CACNA1B: variants seen among roughly 807,000 people sequenced by gnomAD.
The protein encoded by CACNA1B is calcium voltage-gated channel subunit alpha1 B.
Under a neutral mutation model 247.2 loss-of-function variants are expected in CACNA1B, and 70 were observed. The observed-to-expected ratio is 0.28, with a 90% CI of 0.23 to 0.35. The LOEUF is 0.35. Among genes scored for constraint, CACNA1B ranks in the 10% least tolerant of loss-of-function variants. The pLI is 1.00. For synonymous variants in CACNA1B, 1,231 were observed against 1,294.4 expected, an observed-to-expected ratio of 0.95 and a Z score of 1.05; for missense variants, 2,367 against 3,197.4, an observed-to-expected ratio of 0.74 and a Z score of 6.26.
In CACNA1B at chr9:138,054,102, G is replaced by C; in HGVS notation, c.3968+96G>C. The C allele has an allele frequency of 8.4e-7, 1 of 1,183,996 alleles. No homozygotes were observed. The allele number at this position is 1,183,996 out of a possible 1,614,324, so 73.3% of individuals were successfully genotyped here. ...GACCAGGTGGAGCTGGTCACACGGC[G>C]TGGGAGACTCCACTGCAGAGCATCA... On this transcript the variant is annotated intron_variant, in intron 26 of 46. Coordinates refer to ENST00000371372, the MANE Select transcript of CACNA1B (RefSeq NM_000718.4). This position sits in a 1 kb window ranked among gnomAD's most constrained non-coding sequence, Gnocchi z 4.6.
In CACNA1B at chr9:138,112,391, G is replaced by A; in HGVS notation, c.5429-7G>A. The A allele has an allele frequency of 1.9e-6, 3 of 1,606,824 alleles. No individual in the cohort carries two copies. Among genetic ancestry groups the A allele is most frequent in the Non-Finnish European group, 2.6e-6 (3 of 1,173,352 alleles). ...TTTTCCCCTTCCCCACCATCATCCT[G>A]GTGCAGCTGGGACAAAGCAGCATCA... On this transcript the variant is annotated splice_polypyrimidine_tract_variant and splice_region_variant and intron_variant, in intron 39 of 46. Coordinates refer to ENST00000371372, the MANE Select transcript of CACNA1B (RefSeq NM_000718.4).
intron 3 of CACNA1B, among the ~76,000 whole-genome samples, chr9:137,895,372 C>T (rs1957161167): frequency 6.6e-6 from 1 of 152,010 alleles, no homozygotes; most frequent in African/African-American, 2.4e-5. Flanking sequence ...TCAATATATA[C>T]AAAAAATCTT....
At position 138,023,222 on chromosome 9, in the gene CACNA1B, C is replaced by T. The variant is rs1564243127; in HGVS notation, c.2479C>T (p.Arg827Trp). 1 of 1,510,590 alleles carries T rather than the reference C, an allele frequency of 6.6e-7. No individual in the cohort carries two copies. The highest frequency in any genetic ancestry group is 8.8e-7 in the Non-Finnish European group (1 of 1,138,016). 93.6% of individuals were successfully genotyped at this position (1,510,590 alleles called of 1,614,324 possible). ...GGTGGAGCTGGGCCGCGACGGCGCG[C>T]GGGGGCCCGTGGGAGGCAAAGCCCG... ...LVVELGRDGA[R>W]GPVGGKARPE... The change falls in exon 19 of 47, where the codon CGG (arginine) becomes TGG (tryptophan). Residue 827 changes from arginine to tryptophan, a missense_variant. Arg to Trp is a moderately radical substitution (Grantham distance 101, BLOSUM62 -3). Coordinates refer to ENST00000371372, the MANE Select transcript of CACNA1B (RefSeq NM_000718.4).
rs73573969 is a variant in CACNA1B, at chr9:138,067,111, C to T, written c.4669-2647C>T. ...ATATTGTGAATAGTTTATGCCAGTA[C>T]GTTTGAAAACCTAGGTAAGTGAACA... On this transcript the variant is annotated intron_variant, in intron 31 of 46. Coordinates refer to ENST00000371372, the MANE Select transcript of CACNA1B (RefSeq NM_000718.4). Among the ~76,000 whole-genome samples the T allele has an allele frequency of 1.2e-4, 19 of 152,138 alleles. No homozygotes were observed. In the East Asian group the frequency reaches 2.5e-3, roughly 20 times the overall value.
At chr9:137,962,849 T>A (rs1041501510) in intron 10 of CACNA1B, among the ~76,000 whole-genome samples, 2 of 152,224 alleles carry the variant, frequency 1.3e-5, no homozygotes, top group African/African-American at 2.4e-5. Context: ...GAGAAGAATG[T>A]ATATTACGTT....
Position 138,023,113 on chromosome 9 carries a change from G to A in CACNA1B, c.2370G>A (p.Glu790=). 2 of 1,536,056 alleles carry A rather than the reference G, an allele frequency of 1.3e-6. No homozygotes were observed. Among genetic ancestry groups the A allele is most frequent in the Non-Finnish European group, 1.7e-6 (2 of 1,148,516 alleles). Residue 790 remains glutamate, a synonymous_variant, in exon 19 of 47, where the codon GAG becomes GAA. Transcript: ENST00000371372. ...LRASCEALYS[E]MDPEERLRFA... is the part of the protein sequence containing the mutation. ...CCAGCTGCGAGGCGCTGTACAGCGA[G>A]ATGGACCCCGAGGAGCGGCTGCGCT...
intron 12 of CACNA1B, among the ~76,000 whole-genome samples, chr9:137,976,466 G>C (rs1958223134): frequency 6.6e-6 from 1 of 152,252 alleles, no homozygotes; most frequent in Non-Finnish European, 1.5e-5. Context: ...CTGTGAGGCT[G>C]GGGGAGGTGG....
At chr9:138,015,747 G>A (rs1010725936) in intron 18 of CACNA1B, among the ~76,000 whole-genome samples, 7 of 152,214 alleles carry the variant, frequency 4.6e-5, no homozygotes, top group South Asian at 2.1e-4. Flanking sequence ...CTAGCGTGTC[G>A]CATGCAGTGC....
Position 138,014,655 on chromosome 9 carries a change from G to C in CACNA1B, c.2267+1420G>C, listed in dbSNP as rs1177542799. ...CTCTGCAGGTGGGTGGTCTGCAGTA[G>C]ATGGGGCGAGTGGTGTGTTCAGCTC... On this transcript the variant is annotated intron_variant, in intron 18 of 46. Coordinates refer to ENST00000371372, the MANE Select transcript of CACNA1B (RefSeq NM_000718.4). This position sits in a 1 kb window ranked among gnomAD's most constrained non-coding sequence, Gnocchi z 6.2. 1.3e-5 allele frequency among the ~76,000 whole-genome samples: 2 copies of C among 152,204 alleles called. No individual in the cohort carries two copies. Among genetic ancestry groups the C allele is most frequent in the Admixed American group, 1.3e-4 (2 of 15,288 alleles).
intron 21 of CACNA1B, among the ~76,000 whole-genome samples, chr9:138,046,327 G>A (rs1254922755): frequency 2.0e-5 from 3 of 152,222 alleles, no homozygotes; most frequent in East Asian, 1.9e-4. Context: ...TCCCCGTGCA[G>A]CGTGTTCACG....
At chr9:137,993,116 T>C (rs748011486) in intron 15 of CACNA1B, among the ~76,000 whole-genome samples, 47 of 151,978 alleles carry the variant, frequency 3.1e-4, no homozygotes, top group South Asian at 6.2e-4. Flanking sequence ...TAAAGTCCCA[T>C]CTCACACAAC....
At chr9:137,933,734 G>A (rs1294783318) in intron 6 of CACNA1B, among the ~76,000 whole-genome samples, 1 of 152,096 alleles carries the variant, frequency 6.6e-6, no homozygotes, top group African/African-American at 2.4e-5. Context: ...GGGCTGGGCT[G>A]GTGGTATTTA....
chr9:137,899,487 G>C lies in CACNA1B; in HGVS notation c.531-13693G>C, dbSNP rs564198509. Among the ~76,000 whole-genome samples the C allele has an allele frequency of 1.3e-5, 2 of 152,332 alleles. No individual in the cohort carries two copies. Among genetic ancestry groups the C allele is most frequent in the African/African-American group, 4.8e-5 (2 of 41,582 alleles). On this transcript the variant is annotated intron_variant, in intron 3 of 46. Coordinates refer to ENST00000371372, the MANE Select transcript of CACNA1B (RefSeq NM_000718.4). The surrounding 1 kb of genome is among the most constrained non-coding windows in gnomAD (Gnocchi z 5.0). ...AATGGCTCACCGCTGTCGTGTGTGT[G>C]CTTGGGGTTGGGGTTCCCCGCATGC...
chr9:137,891,768 C>A lies in CACNA1B; in HGVS notation c.530+8885C>A. Reference sequence around the variant, plus strand: ...GGGCTGTAGAGTGGAGGGGCCTCCACCCTGCGTGCCTGTGTGCAGCCCCAC... The same window carrying A: ...GGGCTGTAGAGTGGAGGGGCCTCCAACCTGCGTGCCTGTGTGCAGCCCCAC... On this transcript the variant is annotated intron_variant, in intron 3 of 46. Transcript: ENST00000371372. This position sits in a 1 kb window ranked among gnomAD's most constrained non-coding sequence, Gnocchi z 4.3. The A allele has an allele frequency of 3.0e-6, 1 of 330,548 alleles. No homozygotes were observed. Among genetic ancestry groups the A allele is most frequent in the South Asian group, 2.4e-5 (1 of 41,408 alleles). The allele number at this position is 330,548 out of a possible 1,614,324, so 20.5% of individuals were successfully genotyped here.
rs944730230 is a variant in CACNA1B at position 138,100,420 on chromosome 9, G to C, written c.5223-2291G>C. ...CAGGGACAGCTGGGGAGGGTGGGGG[G>C]TCTCACGTGTGTCCAGCCCCCCGTG... is the stretch of plus-strand genomic sequence containing the variant. On this transcript the variant is annotated intron_variant, in intron 37 of 46. Coordinates refer to ENST00000371372, the MANE Select transcript of CACNA1B (RefSeq NM_000718.4). This position sits in a 1 kb window ranked among gnomAD's most constrained non-coding sequence, Gnocchi z 4.6. 6.6e-6 allele frequency among the ~76,000 whole-genome samples: 1 copy of C among 152,166 alleles called. No individual in the cohort carries two copies. The highest frequency in any genetic ancestry group is 6.5e-5 in the Admixed American group (1 of 15,276).
rs1957100062 is a variant in CACNA1B at position 137,891,573 on chromosome 9, G to A, written c.530+8690G>A. On this transcript the variant is annotated intron_variant, in intron 3 of 46. Transcript: ENST00000371372. This position sits in a 1 kb window ranked among gnomAD's most constrained non-coding sequence, Gnocchi z 4.3. Reference sequence around the variant, plus strand: ...GGGTTCAAGTTCATACCCCGGGAGGGTGGGAGCCTTGCTCCTGTGGGCACG... The same window carrying A: ...GGGTTCAAGTTCATACCCCGGGAGGATGGGAGCCTTGCTCCTGTGGGCACG... 5.2e-6 allele frequency: 1 copy of A among 193,140 alleles called. No individual in the cohort carries two copies. Among genetic ancestry groups the A allele is most frequent in the Non-Finnish European group, 1.1e-5 (1 of 94,618 alleles). 12.0% of individuals were successfully genotyped at this position (193,140 alleles called of 1,614,324 possible).
In CACNA1B at chr9:138,073,531, CGCGGCTGATCAAGCTGCT is replaced by C; in HGVS notation, c.4719_4736del (p.Leu1575_Arg1580del). 1 of 1,613,336 alleles carries C rather than the reference CGCGGCTGATCAAGCTGCT, an allele frequency of 6.2e-7. No homozygotes were observed. Among genetic ancestry groups the C allele is most frequent in the Non-Finnish European group, 8.5e-7 (1 of 1,179,366 alleles). On this transcript the variant is annotated inframe_deletion, in exon 33 of 47. Transcript: ENST00000371372. This position sits in a 1 kb window ranked among gnomAD's most constrained non-coding sequence, Gnocchi z 6.4. ...AGCTTCCTCCGCCTCTTTCGAGCTG[CGCGGCTGATCAAGCTGCT>C]CCGCCAGGGCTACACCATCCGCATC...
At chr9:138,105,888 C>T (rs1234412393) in intron 39 of CACNA1B, 81 bp downstream of exon 39, 27 of 794,760 alleles carry the variant, frequency 3.4e-5, no homozygotes, top group Non-Finnish European at 5.5e-5. Context: ...CAGGAGGACA[C>T]GCAGGGAGGA....
At chr9:138,028,023 CTTTTTTTT>C (rs541594878) in intron 20 of CACNA1B, among the ~76,000 whole-genome samples, 2 of 98,768 alleles carry the variant, frequency 2.0e-5, no homozygotes, top group South Asian at 3.6e-4. Context: ...CCCCCCCAAC[CTTTTTTTT>C]TTTTTTTTTT....
Sources: gnomAD v4.1 joint callset for allele counts (sites outside exome capture counted in the v4.1 genomes callset) on GRCh38, gnomAD v4.1.1 for gene constraint, Gnocchi (gnomAD v3.1) non-coding constraint, MANE v1.5 for transcripts, NCBI Gene and HGNC (gene_info 2026-07-23, HGNC 2026-07-21) for gene names.